The following PTPRN2 variants were observed in gnomAD, a reference collection of about 807,000 sequenced individuals.
The protein encoded by PTPRN2 is protein tyrosine phosphatase receptor type N2, also known as receptor-type tyrosine-protein phosphatase N2.
Under a neutral mutation model 118.8 loss-of-function variants are expected in PTPRN2, and 74 were observed. That is an observed-to-expected ratio of 0.62 (90% CI 0.52 to 0.76). The LOEUF is 0.76. Among genes scored for constraint, PTPRN2 ranks in the 30% least tolerant of loss-of-function variants. The pLI, the probability that PTPRN2 is intolerant of heterozygous loss-of-function variation, is 0.00. For missense variants in PTPRN2, 1,481 were observed against 1,394.4 expected, an observed-to-expected ratio of 1.06 and a Z score of -0.99; for synonymous variants, 641 against 608.0, an observed-to-expected ratio of 1.05 and a Z score of -0.80.
intron 17 of PTPRN2, among the ~76,000 whole-genome samples, chr7:157,593,892 A>G (rs565654006): frequency 6.6e-6 from 1 of 152,318 alleles, no homozygotes; most frequent in African/African-American, 2.4e-5. Flanking sequence ...CCATGCCGGG[A>G]TTACAAGCTT....
At chr7:158,489,811 G>A (rs759493320) in intron 1 of PTPRN2, 26 bp from the exon 2 acceptor site, 47 of 1,558,398 alleles carry the variant, frequency 3.0e-5, no homozygotes, top group Middle Eastern at 1.7e-4. Context: ...GAAGAGACGC[G>A]GTCAGCTGGA....
intron 12 of PTPRN2, among the ~76,000 whole-genome samples, chr7:157,867,507 T>C (rs1253707914): frequency 9.2e-6 from 1 of 108,146 alleles, no homozygotes; most frequent in African/African-American, 3.9e-5. Flanking sequence ...CACGGCCACC[T>C]GGATACACGG....
Position 157,949,027 on chromosome 7 carries a change from T to C in PTPRN2, c.1724-50290A>G, listed in dbSNP as rs549955907. 1.1e-4 allele frequency among the ~76,000 whole-genome samples: 17 copies of C among 152,320 alleles called. No homozygotes were observed. The South Asian group carries it at 1.4e-3, about 13-fold the overall frequency. ...AGACTTGAGTATGCGTGAATTTTGGTACACATTGCAGGGGGCGGGTGTCTT... is the reference window on the plus strand; with the variant it reads ...AGACTTGAGTATGCGTGAATTTTGGCACACATTGCAGGGGGCGGGTGTCTT... On this transcript the variant is annotated intron_variant, in intron 11 of 22. Transcript: ENST00000389418.
At chr7:158,487,298 G>C (rs978564423) in intron 2 of PTPRN2, among the ~76,000 whole-genome samples, 5 of 152,074 alleles carry the variant, frequency 3.3e-5, no homozygotes, top group African/African-American at 1.2e-4. Context: ...CCAGAAGTGG[G>C]GTTGCTGAGG....
intron 2 of PTPRN2, among the ~76,000 whole-genome samples, chr7:158,375,618 TG>T (rs1159701694): frequency 1.3e-5 from 2 of 152,242 alleles, no homozygotes; most frequent in African/African-American, 4.8e-5. Flanking sequence ...TGGCCCTCAA[TG>T]GGAACAGGCA....
chr7:158,247,801 A>G (rs1796357665), intron 3 of PTPRN2, among the ~76,000 whole-genome samples: 1 of 152,098 alleles, frequency 6.6e-6, no homozygotes, highest in South Asian at 2.1e-4. Context: ...ATTTTAGTAG[A>G]GATGGGTTTT....
intron 14 of PTPRN2, among the ~76,000 whole-genome samples, chr7:157,651,234 G>A (rs1002101463): frequency 1.3e-5 from 2 of 152,134 alleles, no homozygotes; most frequent in African/African-American, 4.8e-5. Flanking sequence ...CTAACTTTTC[G>A]TTTTTCACGT....
In PTPRN2 at chr7:157,974,958, C is replaced by T. The variant is rs1475007862; in HGVS notation, c.1724-76221G>A. Among the ~76,000 whole-genome samples the T allele has an allele frequency of 6.6e-6, 1 of 151,972 alleles. No individual in the cohort carries two copies. The highest frequency in any genetic ancestry group is 1.5e-5 in the Non-Finnish European group (1 of 67,988). On this transcript the variant is annotated intron_variant, in intron 11 of 22. Transcript: ENST00000389418. This position sits in a 1 kb window ranked among gnomAD's most constrained non-coding sequence, Gnocchi z 4.0. ...ACCAGGGTATGGAACAAGCCCTAGT[C>T]AGAAATGCCTCCTGACGCCTGTGAC...
intron 2 of PTPRN2, among the ~76,000 whole-genome samples, chr7:158,408,529 A>C (rs1813775209): frequency 6.6e-6 from 1 of 152,210 alleles, no homozygotes; most frequent in Admixed American, 6.5e-5. Flanking sequence ...TCTTCAGAGG[A>C]AGCAGATGTT....
chr7:158,149,892 CAA>C (rs969038058), intron 6 of PTPRN2, among the ~76,000 whole-genome samples: 7 of 149,926 alleles, frequency 4.7e-5, no homozygotes, highest in Non-Finnish European at 7.4e-5. Context: ...TTATGCTGAA[CAA>C]AAAGTGGCAA....
At position 157,719,315 on chromosome 7, in the gene PTPRN2, C is replaced by T. The variant is rs140106471; in HGVS notation, c.1789-36378G>A. Among the ~76,000 whole-genome samples the T allele has an allele frequency of 6.2e-4, 94 of 152,326 alleles. No individual in the cohort carries two copies. In the Middle Eastern group the frequency reaches 0.017, roughly 28 times the overall value. ...CATTCTCGACCCATTAAAGGGGGAG[C>T]GGAGATCGTGCTTCCCAAGGGACCC... On this transcript the variant is annotated intron_variant, in intron 12 of 22. Coordinates refer to ENST00000389418, the MANE Select transcript of PTPRN2 (RefSeq NM_002847.5).
At chr7:157,998,837 A>AC (rs1563314550) in intron 11 of PTPRN2, among the ~76,000 whole-genome samples, 1 of 150,398 alleles carries the variant, frequency 6.6e-6, no homozygotes. Context: ...AAAAAAAAAA[A>AC]CTCTACTTCA....
intron 6 of PTPRN2, among the ~76,000 whole-genome samples, chr7:158,153,350 A>T (rs1821386601): frequency 1.3e-5 from 2 of 152,208 alleles, no homozygotes; most frequent in Admixed American, 1.3e-4. Flanking sequence ...TGTGATAAGG[A>T]AGGGGTCTGA....
At chr7:158,139,411 C>T (rs575852226) in intron 6 of PTPRN2, among the ~76,000 whole-genome samples, 15 of 152,142 alleles carry the variant, frequency 9.9e-5, no homozygotes, top group African/African-American at 3.6e-4. Context: ...AAGCGATCAT[C>T]GTTGGAAGAA....
At chr7:158,548,683 T>G (rs1263517828) in intron 1 of PTPRN2, among the ~76,000 whole-genome samples, 1 of 152,260 alleles carries the variant, frequency 6.6e-6, no homozygotes, top group Non-Finnish European at 1.5e-5. Flanking sequence ...TCAGATACAC[T>G]GGATGCTCCA....
At chr7:158,171,125 T>TATAC (rs1449934918) in intron 5 of PTPRN2, among the ~76,000 whole-genome samples, 1 of 92,752 alleles carries the variant, frequency 1.1e-5, no homozygotes, top group African/African-American at 3.9e-5. Flanking sequence ...CACACATATA[T>TATAC]ACACATATAT....
chr7:157,982,813 G>A (rs113075949), intron 11 of PTPRN2, among the ~76,000 whole-genome samples: 36 of 70,910 alleles, frequency 5.1e-4, no homozygotes, highest in African/African-American at 5.5e-4. Context: ...AATGCAGAGT[G>A]CAGGGTCCCC....
chr7:158,253,925 G>A (rs1305766094), intron 3 of PTPRN2, among the ~76,000 whole-genome samples: 1 of 92,928 alleles, frequency 1.1e-5, no homozygotes, highest in Admixed American at 1.3e-4. Context: ...CCATCTCTAC[G>A]TTCAGGAGCA....
chr7:158,468,634 G>C (rs957472624), intron 2 of PTPRN2, among the ~76,000 whole-genome samples: 1 of 152,226 alleles, frequency 6.6e-6, no homozygotes, highest in African/African-American at 2.4e-5. Context: ...CGTGCACAGA[G>C]CTGTGGCTTG....
Sources: allele counts gnomAD v4.1 joint callset (sites outside exome capture counted in the v4.1 genomes callset), GRCh38; gene constraint gnomAD v4.1.1; non-coding constraint Gnocchi (gnomAD v3.1); transcripts MANE v1.5; gene names NCBI Gene and HGNC (gene_info 2026-07-23, HGNC 2026-07-21).